Variants in RRAGB observed in about 807,000 individuals in gnomAD.
The protein encoded by RRAGB is Ras related GTP binding B, also known as ras-related GTP-binding protein B.
Under a neutral mutation model 29.3 loss-of-function variants are expected in RRAGB, and 6 were observed. The ratio of observed to expected loss-of-function variants is 0.21; its 90% CI spans 0.11 to 0.40. The LOEUF (loss-of-function observed/expected upper bound fraction) is 0.40. Among genes scored for constraint, RRAGB ranks in the 10% least tolerant of loss-of-function variants. The pLI is 1.00. For synonymous variants in RRAGB, 101 were observed against 92.5 expected, an observed-to-expected ratio of 1.09 and a Z score of -0.53; for missense variants, 184 against 272.9, an observed-to-expected ratio of 0.67 and a Z score of 2.29.
In RRAGB at chrX:55,718,357, G is replaced by A. The variant is rs143868192; in HGVS notation, c.30G>A (p.Thr10=). MEESDSEKT[T]EKENLGPRMD... ...AAGAATCTGACTCTGAGAAAACGAC[G>A]GAGAAAGAAAATCTGGGGCCGAGAA... Residue 10 remains threonine, a synonymous_variant, in exon 1 of 10, where the codon ACG becomes ACA. Coordinates refer to ENST00000374941, the MANE Select transcript of RRAGB (RefSeq NM_006064.5). The A allele has an allele frequency of 5.0e-6, 6 of 1,206,538 alleles. No homozygotes were observed. The highest frequency in any genetic ancestry group is 3.4e-6 in the Non-Finnish European group (3 of 892,513).
At chrX:55,752,294 G>T (rs1286852395) in intron 6 of RRAGB, 1 of 750,278 alleles carries the variant, frequency 1.3e-6, no homozygotes, top group Non-Finnish European at 1.6e-6. Flanking sequence ...AACCAACTGC[G>T]GTGTGAAGGA....
intron 3 of RRAGB, among the ~76,000 whole-genome samples, chrX:55,729,004 T>C (rs1337325537): frequency 9.0e-6 from 1 of 110,869 alleles, no homozygotes; most frequent in East Asian, 2.8e-4. Context: ...ATATATCTAT[T>C]ACATGTTGAA....
intron 5 of RRAGB, among the ~76,000 whole-genome samples, chrX:55,748,592 C>G (rs1472028806): frequency 1.8e-5 from 2 of 111,143 alleles, no homozygotes; most frequent in African/African-American, 6.5e-5. Flanking sequence ...CGTCTCTGCC[C>G]AGCCGCCCAG....
Position 55,757,295 on chromosome X carries a change from A to C in RRAGB, c.907A>C (p.Thr303Pro). Residue 303 changes from threonine (T) to proline (P), a missense_variant, in exon 9 of 10, where the codon ACT becomes CCT. Physicochemically the swap from Thr to Pro is conservative, Grantham distance 38. Coordinates refer to ENST00000374941, the MANE Select transcript of RRAGB (RefSeq NM_006064.5). ...AAFIDIFTSN[T>P]YVMVVMSDPS... ...TTTCATTGACATCTTTACATCCAAC[A>C]CTTATGTGATGGTTGTGATGTCTGA... 1 of 1,184,025 alleles carries C rather than the reference A, an allele frequency of 8.4e-7. No individual in the cohort carries two copies. The highest frequency in any genetic ancestry group is 1.1e-6 in the Non-Finnish European group (1 of 875,230).
chrX:55,747,812 G>GGTCCCTCTCCCT (rs2034294302), intron 5 of RRAGB, among the ~76,000 whole-genome samples: 1 of 81,215 alleles, frequency 1.2e-5, no homozygotes, highest in Non-Finnish European at 2.7e-5. Context: ...GATTATTCTC[G>GGTCCCTCTCCCT]CTCCCTCTCC....
At chrX:55,753,138 T>TC (rs1455490923) in intron 6 of RRAGB, among the ~76,000 whole-genome samples, 14 of 112,434 alleles carry the variant, frequency 1.2e-4, no homozygotes, top group African/African-American at 4.5e-4. Context: ...CTTTCAATTA[T>TC]CAATGGAAAG....
At chrX:55,754,463 A>G (rs1485208548) in intron 7 of RRAGB, among the ~76,000 whole-genome samples, 1 of 112,740 alleles carries the variant, frequency 8.9e-6, no homozygotes. Flanking sequence ...GCCTTGGTAA[A>G]TGTAACTCTA....
chrX:55,729,431 C>A (rs766635129), intron 4 of RRAGB, 71 bp downstream of exon 4: 6 of 618,531 alleles, frequency 9.7e-6, no homozygotes, highest in South Asian at 2.6e-5. Context: ...ATCAGCATGG[C>A]GAATACACCT....
rs12014900 is a variant in RRAGB at position 55,754,105 on chromosome X, C to T, written c.735+591C>T. Among the ~76,000 whole-genome samples, 975 of 112,453 alleles carry T rather than the reference C, an allele frequency of 8.7e-3. 17 individuals carry two copies. Among genetic ancestry groups the T allele is most frequent in the African/African-American group, 0.03 (928 of 30,993 alleles). ...AACTGTTCATTTATGTTAAAGGATT[C>T]CTATTTCCTGTGGACTTTTATTATG... On this transcript the variant is annotated intron_variant, in intron 7 of 9. Transcript: ENST00000374941.
At chrX:55,751,875 G>T (rs766484542) in intron 6 of RRAGB, among the ~76,000 whole-genome samples, 1 of 111,000 alleles carries the variant, frequency 9.0e-6, no homozygotes, top group South Asian at 3.9e-4. Context: ...CTAGTTATTT[G>T]AAGGACTAGG....
chrX:55,752,490 A>G (rs2034551538), intron 6 of RRAGB: 1 of 264,463 alleles, frequency 3.8e-6, no homozygotes. Context: ...GAACAGAGAC[A>G]TGGCACTTCT....
At chrX:55,725,145 A>C (rs998711740) in intron 3 of RRAGB, among the ~76,000 whole-genome samples, 15 of 111,985 alleles carry the variant, frequency 1.3e-4, no homozygotes, top group Admixed American at 2.9e-4. Flanking sequence ...GAATTTTGCA[A>C]ATTATATGAA....
At chrX:55,721,350 G>T (rs75583605) in intron 2 of RRAGB, among the ~76,000 whole-genome samples, 1 of 112,147 alleles carries the variant, frequency 8.9e-6, no homozygotes, top group Admixed American at 9.4e-5. Context: ...ACTTAAGTCA[G>T]CCTAGAGCAT....
intron 7 of RRAGB, chrX:55,755,466 A>C (rs1486607426): frequency 2.8e-5 from 21 of 743,109 alleles, no homozygotes; most frequent in Middle Eastern, 7.6e-4. Flanking sequence ...AGTATACCTC[A>C]AGAACAGCTA....
intron 5 of RRAGB, among the ~76,000 whole-genome samples, chrX:55,749,347 C>T (rs1488149904): frequency 1.3e-4 from 12 of 95,272 alleles, no homozygotes; most frequent in African/African-American, 1.5e-4. Flanking sequence ...CCAGCCGCCC[C>T]ATCCGGGAGG....
At chrX:55,741,494 ATG>A (rs770605095) in intron 5 of RRAGB, among the ~76,000 whole-genome samples, 110 of 112,466 alleles carry the variant, frequency 9.8e-4, no homozygotes, top group African/African-American at 3.5e-3. Flanking sequence ...CATTAAAATG[ATG>A]TCTAACATAA....
chrX:55,741,995 G>A lies in RRAGB; in HGVS notation c.517-9106G>A, dbSNP rs188256402. Among the ~76,000 whole-genome samples the A allele has an allele frequency of 1.5e-3, 169 of 112,077 alleles. 2 individuals carry two copies. Among genetic ancestry groups the A allele is most frequent in the African/African-American group, 5.3e-3 (162 of 30,832 alleles). On this transcript the variant is annotated intron_variant, in intron 5 of 9. Coordinates refer to ENST00000374941, the MANE Select transcript of RRAGB (RefSeq NM_006064.5). The stretch of plus-strand genomic sequence containing the variant: ...TCATACTTCCATTTAACATGATACA[G>A]TAATCCTGCGTACAACCAAAAATGC...
At chrX:55,743,085 T>C (rs2034135412) in intron 5 of RRAGB, among the ~76,000 whole-genome samples, 1 of 111,963 alleles carries the variant, frequency 8.9e-6, no homozygotes, top group African/African-American at 3.2e-5. Flanking sequence ...TCAAGCCAGC[T>C]GCTTTAGGAT....
intron 5 of RRAGB, among the ~76,000 whole-genome samples, chrX:55,750,004 C>T (rs1451673302): frequency 6.0e-5 from 6 of 99,591 alleles, no homozygotes; most frequent in Non-Finnish European, 8.1e-5. Context: ...GTCCTATGAC[C>T]CTGCCAAATC....
Sources: gnomAD v4.1 joint callset for allele counts (sites outside exome capture counted in the v4.1 genomes callset) on GRCh38, gnomAD v4.1.1 for gene constraint, MANE v1.5 for transcripts, NCBI Gene and HGNC (gene_info 2026-07-23, HGNC 2026-07-21) for gene names.